EIF4G3: variants seen among roughly 807,000 people sequenced by gnomAD.
The protein encoded by EIF4G3 is eukaryotic translation initiation factor 4 gamma 3.
EIF4G3 carries 34 observed loss-of-function variants against 186.4 expected under a neutral mutation model. The ratio of observed to expected loss-of-function variants is 0.18; its 90% CI spans 0.14 to 0.24. EIF4G3 has a LOEUF of 0.24. Ranked by LOEUF, EIF4G3 falls within the 10% of genes least tolerant of loss-of-function variation. EIF4G3 has a pLI of 1.00. For synonymous variants in EIF4G3, 673 were observed against 679.5 expected (o/e 0.99, Z 0.15); for missense variants, 1,536 against 1,948.5 (o/e 0.79, Z 3.99).
rs573747587 is a variant in EIF4G3 at position 20,977,192 on chromosome 1, T to A, written c.493+3142A>T. 7.5e-4 allele frequency among the ~76,000 whole-genome samples: 109 copies of A among 144,398 alleles called. No individual in the cohort carries two copies. In the South Asian group the frequency reaches 0.015, roughly 20 times the overall value. The allele number at this position is 144,398 out of a possible 152,430, so 94.7% of individuals were successfully genotyped here. ...CTTTATGCACTCTATATTATTGAAA[T>A]TTTTTTTTTTTTTAGATGGAGTCTC... On this transcript the variant is annotated intron_variant, in intron 10 of 36. Coordinates refer to ENST00000602326, the MANE Select transcript of EIF4G3 (RefSeq NM_001391906.1).
intron 20 of EIF4G3, among the ~76,000 whole-genome samples, chr1:20,871,883 G>C (rs940929944): frequency 6.6e-6 from 1 of 151,778 alleles, no homozygotes; most frequent in African/African-American, 2.4e-5. Flanking sequence ...GAGTGCAGTG[G>C]TGCAATCTTG....
chr1:21,025,936 G>C (rs944215090), intron 4 of EIF4G3, among the ~76,000 whole-genome samples: 1 of 152,082 alleles, frequency 6.6e-6, no homozygotes, highest in African/African-American at 2.4e-5. Context: ...CCCTGTTCAT[G>C]AACTGGAAGA....
At chr1:21,028,324 A>C (rs902214280) in intron 4 of EIF4G3, among the ~76,000 whole-genome samples, 5 of 152,080 alleles carry the variant, frequency 3.3e-5, no homozygotes, top group Admixed American at 2.0e-4. Flanking sequence ...AAATTGGGAA[A>C]AAAAAGAGAA....
intron 7 of EIF4G3, among the ~76,000 whole-genome samples, chr1:20,984,591 C>T (rs199930045): frequency 3.3e-5 from 4 of 121,164 alleles, no homozygotes; most frequent in African/African-American, 9.1e-5. Context: ...CACATATATA[C>T]ACTTTTTTTT....
intron 3 of EIF4G3, among the ~76,000 whole-genome samples, chr1:21,077,922 G>C (rs900208376): frequency 6.7e-6 from 1 of 150,086 alleles, no homozygotes; most frequent in African/African-American, 2.4e-5. Context: ...TGCCGAGAAA[G>C]CAGAGAAAGG....
chr1:20,993,095 A>G, intron 7 of EIF4G3, among the ~76,000 whole-genome samples: 1 of 152,198 alleles, frequency 6.6e-6, no homozygotes, highest in Admixed American at 6.5e-5. Context: ...AGGTTATAAA[A>G]TGCCAAAAGA....
intron 3 of EIF4G3, among the ~76,000 whole-genome samples, chr1:21,072,544 C>T (rs1218901046): frequency 6.6e-6 from 1 of 152,066 alleles, no homozygotes; most frequent in African/African-American, 2.4e-5. Flanking sequence ...GCTGGGACTA[C>T]AGGTACCTGC....
At chr1:21,003,865 T>C (rs943304044) in intron 4 of EIF4G3, 1 of 302,334 alleles carries the variant, frequency 3.3e-6, no homozygotes, top group South Asian at 2.9e-5. Flanking sequence ...AGTAAGACTC[T>C]GGTGGTTACC....
At chr1:21,104,254 T>C (rs1042642458) in intron 2 of EIF4G3, among the ~76,000 whole-genome samples, 60 of 152,192 alleles carry the variant, frequency 3.9e-4, no homozygotes, top group African/African-American at 1.4e-3. Context: ...GTAACATCCT[T>C]CTTCATTCAT....
At chr1:20,836,607 T>C (rs1389082098) in intron 30 of EIF4G3, among the ~76,000 whole-genome samples, 2 of 152,146 alleles carry the variant, frequency 1.3e-5, no homozygotes, top group Non-Finnish European at 2.9e-5. Flanking sequence ...TCCAGAAAAG[T>C]ATTCAAGGAA....
chr1:20,876,537 T>C (rs2080930732), intron 20 of EIF4G3, among the ~76,000 whole-genome samples: 1 of 151,558 alleles, frequency 6.6e-6, no homozygotes, highest in South Asian at 2.1e-4. Context: ...TATTTTCATG[T>C]GATTTTATAA....
At chr1:20,985,479 G>A (rs917298982) in intron 7 of EIF4G3, among the ~76,000 whole-genome samples, 1 of 145,856 alleles carries the variant, frequency 6.9e-6, no homozygotes, top group African/African-American at 2.6e-5. Flanking sequence ...ACGTGCACCA[G>A]AAGAGATTCT....
At chr1:21,175,990 G>T (rs2098095843) in intron 2 of EIF4G3, 185 bp downstream of exon 2, 1 of 262,804 alleles carries the variant, frequency 3.8e-6, no homozygotes, top group Non-Finnish European at 7.1e-6. Context: ...GGGTCTGGGG[G>T]TCCCCCCGCA....
At chr1:20,912,289 T>G (rs538539533) in intron 14 of EIF4G3, among the ~76,000 whole-genome samples, 57 of 152,300 alleles carry the variant, frequency 3.7e-4, no homozygotes, top group African/African-American at 1.3e-3. Flanking sequence ...GATAAAATTT[T>G]TAAAAAATTA....
intron 2 of EIF4G3, among the ~76,000 whole-genome samples, chr1:21,136,024 A>G (rs921025635): frequency 1.3e-5 from 2 of 151,564 alleles, no homozygotes; most frequent in African/African-American, 4.8e-5. Context: ...TCTACTAAAA[A>G]TACAAAAAAT....
chr1:21,018,042 G>A (rs1249803096), intron 4 of EIF4G3, among the ~76,000 whole-genome samples: 2 of 151,568 alleles, frequency 1.3e-5, no homozygotes, highest in Admixed American at 6.6e-5. Flanking sequence ...AGGCTCAAGC[G>A]ATCCTCCCAC....
chr1:20,880,567 A>G (rs1037229734), intron 19 of EIF4G3, among the ~76,000 whole-genome samples: 3 of 152,146 alleles, frequency 2.0e-5, no homozygotes, highest in African/African-American at 7.2e-5. Context: ...CCTGGCCGAC[A>G]TGGCAAAACC....
At chr1:21,040,394 G>T (rs2093495980) in intron 4 of EIF4G3, among the ~76,000 whole-genome samples, 1 of 152,178 alleles carries the variant, frequency 6.6e-6, no homozygotes, top group Non-Finnish European at 1.5e-5. Context: ...CTCTTCAACT[G>T]TATCCTTTGT....
chr1:21,147,001 G>A (rs1465043819), intron 2 of EIF4G3, among the ~76,000 whole-genome samples: 5 of 151,796 alleles, frequency 3.3e-5, no homozygotes, highest in Non-Finnish European at 4.4e-5. Flanking sequence ...AGTGGCTCCC[G>A]CTTATAACCC....
Sources: gnomAD v4.1 joint callset for allele counts (sites outside exome capture counted in the v4.1 genomes callset) on GRCh38, gnomAD v4.1.1 for gene constraint, MANE v1.5 for transcripts, NCBI Gene and HGNC (gene_info 2026-07-23, HGNC 2026-07-21) for gene names.